Variants in PPFIBP1 observed in about 807,000 individuals in gnomAD.
PPFIBP1 encodes the protein liprin-beta-1.
A neutral mutation model predicts 137.8 loss-of-function variants in PPFIBP1; 112 were observed. That is an observed-to-expected ratio of 0.81 (90% confidence interval 0.70 to 0.95). The LOEUF (loss-of-function observed/expected upper bound fraction) is 0.95. Ranked by LOEUF, PPFIBP1 falls within the 40% of genes least tolerant of loss-of-function variation. The pLI, the probability that PPFIBP1 is intolerant of heterozygous loss-of-function variation, is 0.00. For missense variants in PPFIBP1, 1,083 were observed against 1,196.6 expected, an observed-to-expected ratio of 0.91 and a Z score of 1.40; for synonymous variants, 378 against 417.3, an observed-to-expected ratio of 0.91 and a Z score of 1.15.
At chr12:27,615,406 A>G (rs899089918) in intron 2 of PPFIBP1, among the ~76,000 whole-genome samples, 1 of 152,220 alleles carries the variant, frequency 6.6e-6, no homozygotes, top group Non-Finnish European at 1.5e-5. Flanking sequence ...GGTGGGTGGA[A>G]TTCAAGACCA....
intron 2 of PPFIBP1, among the ~76,000 whole-genome samples, chr12:27,626,365 G>A (rs2056819833): frequency 6.6e-6 from 1 of 152,106 alleles, no homozygotes; most frequent in Non-Finnish European, 1.5e-5. Context: ...GAGGAATTCT[G>A]CCCTTATTTA....
chr12:27,664,282 T>C (rs2059723775), intron 11 of PPFIBP1, 80 bp from the exon 12 acceptor site: 1 of 910,034 alleles, frequency 1.1e-6, no homozygotes, highest in Admixed American at 2.1e-5. Context: ...TAATTACTAT[T>C]CTTTATGCAA....
At chr12:27,589,727 T>C (rs2052253671) in intron 2 of PPFIBP1, among the ~76,000 whole-genome samples, 1 of 152,226 alleles carries the variant, frequency 6.6e-6, no homozygotes, top group Non-Finnish European at 1.5e-5. Flanking sequence ...AGTATTTTGG[T>C]TGAGTTCGTC....
rs557610547 is a variant in PPFIBP1, at chr12:27,643,869, A to G, written c.271-2193A>G. 3.7e-3 allele frequency among the ~76,000 whole-genome samples: 473 copies of G among 128,276 alleles called. 1 individual carries two copies. The highest frequency in any genetic ancestry group is 0.014 in the African/African-American group (447 of 31,964). 84.2% of individuals were successfully genotyped at this position (128,276 alleles called of 152,430 possible). ...CTTTTAATATACTAAACTACCCTTG[A>G]GCATTATGAGTGCTTGTAAATATCA... On this transcript the variant is annotated intron_variant, in intron 4 of 29. Transcript: ENST00000228425.
chr12:27,529,370 A>C (rs1010195112), intron 1 of PPFIBP1, among the ~76,000 whole-genome samples: 4 of 152,200 alleles, frequency 2.6e-5, no homozygotes, highest in African/African-American at 9.7e-5. Context: ...AGAGGTACTA[A>C]GGCTTTTTTC....
At chr12:27,628,184 AT>A in intron 2 of PPFIBP1, among the ~76,000 whole-genome samples, 1 of 151,884 alleles carries the variant, frequency 6.6e-6, no homozygotes, top group East Asian at 1.9e-4. Context: ...GTTCTTTAGG[AT>A]TTTTTTTCTT....
chr12:27,591,095 C>CT (rs557807878), intron 2 of PPFIBP1, among the ~76,000 whole-genome samples: 2,051 of 143,354 alleles, frequency 0.014, 41 homozygotes, highest in African/African-American at 0.045. Flanking sequence ...AAGATCAAGA[C>CT]TTTTTTTTTT....
At chr12:27,569,025 A>T (rs962737893) in intron 1 of PPFIBP1, among the ~76,000 whole-genome samples, 2 of 152,028 alleles carry the variant, frequency 1.3e-5, no homozygotes, top group African/African-American at 4.8e-5. Context: ...GCCCCAACTG[A>T]ATCCCCTAAA....
At chr12:27,561,167 T>G (rs185191106) in intron 1 of PPFIBP1, among the ~76,000 whole-genome samples, 44 of 152,258 alleles carry the variant, frequency 2.9e-4, no homozygotes, top group South Asian at 8.3e-4. Context: ...TGGGTTTCTT[T>G]ATGGAAGGGG....
intron 1 of PPFIBP1, among the ~76,000 whole-genome samples, chr12:27,558,495 C>CACACAAACATACACACACGCT (rs71039820): frequency 1.8e-5 from 2 of 111,462 alleles, no homozygotes; most frequent in African/African-American, 3.7e-5. Flanking sequence ...CACACACACA[C>CACACAAACATACACACACGCT]GATATTCTAT....
Position 27,695,546 on chromosome 12 carries a change from T to G in PPFIBP1, c.*2664T>G, listed in dbSNP as rs1408276894. 1 of 152,252 alleles carries G rather than the reference T, an allele frequency of 6.6e-6. No homozygotes were observed. Among genetic ancestry groups the G allele is most frequent in the East Asian group, 1.9e-4 (1 of 5,206 alleles). The allele number at this position is 152,252 out of a possible 1,614,324, so 9.4% of individuals were successfully genotyped here. On this transcript the variant is annotated 3_prime_UTR_variant, in exon 30 of 30. Coordinates refer to ENST00000228425, the MANE Select transcript of PPFIBP1 (RefSeq NM_003622.4). Reference sequence around the variant, plus strand: ...TGTTACCATATGAAAGGAAATAAAGTCAATTGATAATTGCCTCATTTTTAT... The same window carrying G: ...TGTTACCATATGAAAGGAAATAAAGGCAATTGATAATTGCCTCATTTTTAT...
Position 27,527,131 on chromosome 12 carries a change from A to T in PPFIBP1, c.-124+2766A>T, listed in dbSNP as rs151193605. The stretch of plus-strand genomic sequence containing the variant: ...TATTCATAAAATATTTGTATAAGTA[A>T]ATTTAGATTATGTTGATAATTTGTT... On this transcript the variant is annotated intron_variant, in intron 1 of 29. Coordinates refer to ENST00000228425, the MANE Select transcript of PPFIBP1 (RefSeq NM_003622.4). Among the ~76,000 whole-genome samples, 43 of 152,250 alleles carry T rather than the reference A, an allele frequency of 2.8e-4. No homozygotes were observed. In the East Asian group the frequency reaches 7.9e-3, roughly 28 times the overall value.
chr12:27,545,472 T>A (rs1469788991), intron 1 of PPFIBP1, among the ~76,000 whole-genome samples: 1 of 152,192 alleles, frequency 6.6e-6, no homozygotes, highest in Non-Finnish European at 1.5e-5. Context: ...TCACCAGCCC[T>A]TTGAAACAGA....
chr12:27,647,613 T>C, intron 5 of PPFIBP1, 116 bp from the exon 6 acceptor site: 1 of 635,390 alleles, frequency 1.6e-6, no homozygotes, highest in Non-Finnish European at 2.6e-6. Flanking sequence ...TTTTTTTTTC[T>C]TTATAACCGT....
chr12:27,686,283 T>C (rs773961091), intron 24 of PPFIBP1, among the ~76,000 whole-genome samples: 5 of 152,218 alleles, frequency 3.3e-5, no homozygotes, highest in Non-Finnish European at 5.9e-5. Context: ...GAGAAGTGTT[T>C]TATCAGAAAG....
chr12:27,588,758 G>T (rs2052096316), intron 2 of PPFIBP1, among the ~76,000 whole-genome samples: 1 of 152,168 alleles, frequency 6.6e-6, no homozygotes, highest in African/African-American at 2.4e-5. Flanking sequence ...CTGAAAAGCT[G>T]TGATGTTTAC....
chr12:27,606,006 T>A (rs1377772989), intron 2 of PPFIBP1, among the ~76,000 whole-genome samples: 1 of 152,194 alleles, frequency 6.6e-6, no homozygotes, highest in East Asian at 1.9e-4. Context: ...GGTGTATGTG[T>A]GTTTCCATTA....
chr12:27,655,894 G>A (rs1468819308), intron 8 of PPFIBP1, among the ~76,000 whole-genome samples: 2 of 152,188 alleles, frequency 1.3e-5, no homozygotes, highest in Non-Finnish European at 2.9e-5. Context: ...GTTAAGTACA[G>A]CCAGCAAAAT....
At chr12:27,680,606 A>G in intron 21 of PPFIBP1, among the ~76,000 whole-genome samples, 1 of 152,216 alleles carries the variant, frequency 6.6e-6, no homozygotes, top group Non-Finnish European at 1.5e-5. Context: ...ATTAGCATGT[A>G]ACAGAATCTA....
Sources: gnomAD v4.1 joint callset for allele counts (sites outside exome capture counted in the v4.1 genomes callset) on GRCh38, gnomAD v4.1.1 for gene constraint, MANE v1.5 for transcripts, NCBI Gene and HGNC (gene_info 2026-07-23, HGNC 2026-07-21) for gene names.